UVSSA: variants seen among roughly 807,000 people sequenced by gnomAD.
UVSSA encodes UV stimulated scaffold protein A.
In UVSSA, 72 loss-of-function variants were observed where a neutral mutation model predicts 73.9. The ratio of observed to expected loss-of-function variants is 0.97; its 90% CI spans 0.81 to 1.19. UVSSA has a LOEUF of 1.19. Ranked by LOEUF, UVSSA falls within the 50% of genes most tolerant of loss-of-function variation. UVSSA has a pLI of 0.00. For missense variants in UVSSA, 1,150 were observed against 965.0 expected (o/e 1.19, Z -2.54); for synonymous variants, 454 against 391.3 (o/e 1.16, Z -1.89).
rs768777374 is a variant in UVSSA at position 1,366,467 on chromosome 4, G to C, written c.1288+36G>C. 8 of 1,528,446 alleles carry C rather than the reference G, an allele frequency of 5.2e-6. No individual in the cohort carries two copies. The South Asian group carries it at 8.4e-5, about 16-fold the overall frequency. 94.7% of individuals were successfully genotyped at this position (1,528,446 alleles called of 1,614,324 possible). ...GGTCCCGTGGGGGGGGCACCTGGGTGGAGGGTCCCCCACTCAGGATGTGGC... is the reference window on the plus strand; with the variant it reads ...GGTCCCGTGGGGGGGGCACCTGGGTCGAGGGTCCCCCACTCAGGATGTGGC... On this transcript the variant is annotated intron_variant, in intron 8 of 13. Transcript: ENST00000389851.
exon 14 of UVSSA, chr4:1,394,327 C>T (rs6599309): frequency 1.8e-6 from 2 of 1,085,738 alleles, no homozygotes; most frequent in Non-Finnish European, 2.6e-6. Context: ...TTGTGTTCTA[C>T]TTAGAATGCT....
chr4:1,370,636 G>A (rs887911617), intron 8 of UVSSA, among the ~76,000 whole-genome samples: 3 of 152,250 alleles, frequency 2.0e-5, no homozygotes, highest in Admixed American at 6.5e-5. Context: ...TTGTCTCCAC[G>A]TGTAGATGGT....
In UVSSA at chr4:1,353,332, G is replaced by C. The variant is rs771449409; in HGVS notation, c.853G>C (p.Glu285Gln). ...TATGDPSDED[E>Q]DSDLEEFVRS... ...CACAGGTGACCCCTCAGATGAGGAC[G>C]AGGACAGCGACCTCGAGGAGTTTGT... The change falls in exon 5 of 14, where the codon GAG becomes CAG. Residue 285 changes from glutamate to glutamine, a missense_variant. Transcript: ENST00000389851. 5.6e-6 allele frequency: 9 copies of C among 1,611,450 alleles called. No individual in the cohort carries two copies. The highest frequency in any genetic ancestry group is 7.6e-6 in the Non-Finnish European group (9 of 1,179,650).
intron 7 of UVSSA, among the ~76,000 whole-genome samples, chr4:1,361,764 G>A (rs1716672742): frequency 1.3e-5 from 2 of 152,100 alleles, no homozygotes; most frequent in South Asian, 4.1e-4. Flanking sequence ...TGGTTTATAA[G>A]ATAGAATGGG....
rs747485210 is a variant in UVSSA, at chr4:1,383,745, G to C, written c.1862-21G>C. ...TGGTCAGTGCCAGACGTCTCCTGAAGTGCTTGAGTTTTGTTTGCAGAATGG... is the reference window on the plus strand; with the variant it reads ...TGGTCAGTGCCAGACGTCTCCTGAACTGCTTGAGTTTTGTTTGCAGAATGG... On this transcript the variant is annotated intron_variant, in intron 12 of 13. Coordinates refer to ENST00000389851, the MANE Select transcript of UVSSA (RefSeq NM_020894.4). 5.0e-6 allele frequency: 8 copies of C among 1,612,432 alleles called. No homozygotes were observed. The African/African-American group carries it at 1.1e-4, about 22-fold the overall frequency.
chr4:1,346,496 A>C (rs1366547745), upstream of UVSSA, among the ~76,000 whole-genome samples: 2 of 152,142 alleles, frequency 1.3e-5, no homozygotes, highest in Non-Finnish European at 2.9e-5. Flanking sequence ...GGCAGGACGG[A>C]CGGCGCCTCT....
At chr4:1,342,953 C>T (rs1713479526), upstream of UVSSA, among the ~76,000 whole-genome samples, 1 of 152,092 alleles carries the variant, frequency 6.6e-6, no homozygotes. Context: ...TCAGAATGGT[C>T]TTGGTGGTCC....
At chr4:1,375,956 TG>T (rs1250604741) in intron 9 of UVSSA, 77 bp from the exon 10 acceptor site, 3 of 1,536,274 alleles carry the variant, frequency 2.0e-6, no homozygotes, top group Non-Finnish European at 2.6e-6. Flanking sequence ...AGCCTTGCTG[TG>T]GGGGTGGGGA....
intron 13 of UVSSA, 178 bp downstream of exon 13, chr4:1,384,118 C>T: frequency 1.3e-6 from 1 of 749,438 alleles, no homozygotes; most frequent in South Asian, 1.9e-5. Context: ...TGCCAGCCAG[C>T]AGGGGCAGCA....
chr4:1,385,668 T>C, intron 13 of UVSSA, 200 bp from the exon 14 acceptor site: 4 of 606,908 alleles, frequency 6.6e-6, no homozygotes, highest in Non-Finnish European at 1.2e-5. Context: ...GGCGGCCCTT[T>C]CTAAGCCTGT....
In UVSSA at chr4:1,380,919, G is replaced by A; in HGVS notation, c.1792G>A (p.Gly598Arg). ...GAAGATTGTTCCACGGGACGACGAA[G>A]GACGGCCGCTCGACCCGGAAGACAG... ...HGKIVPRDDE[G>R]RPLDPEDRAR... The change falls in exon 12 of 14, where the codon GGA becomes AGA. Residue 598 changes from glycine to arginine, a missense_variant. Transcript: ENST00000389851. 1 of 1,613,094 alleles carries A rather than the reference G, an allele frequency of 6.2e-7. No homozygotes were observed. The highest frequency in any genetic ancestry group is 8.5e-7 in the Non-Finnish European group (1 of 1,179,974).
At chr4:1,377,736 G>A (rs976380883) in intron 10 of UVSSA, among the ~76,000 whole-genome samples, 4 of 152,158 alleles carry the variant, frequency 2.6e-5, no homozygotes, top group African/African-American at 9.7e-5. Flanking sequence ...TGGCACCGGG[G>A]CCCTGCTGGG....
At chr4:1,351,534 C>T (rs915322283) in intron 3 of UVSSA, among the ~76,000 whole-genome samples, 181 bp from the exon 4 acceptor site, 7 of 151,468 alleles carry the variant, frequency 4.6e-5, no homozygotes, top group African/African-American at 1.2e-4. Context: ...TACAGGCGCC[C>T]GCCACCTCGC....
rs952836546 is a variant in UVSSA at position 1,358,920 on chromosome 4, C to A, written c.1176+3675C>A. ...ACATGTAGGAGATGGGAACATGGAA[C>A]GCTGCTAGCTGCAGGCAGGAGGCAG... On this transcript the variant is annotated intron_variant, in intron 7 of 13. Transcript: ENST00000389851. Among the ~76,000 whole-genome samples the A allele has an allele frequency of 6.6e-5, 10 of 152,322 alleles. No homozygotes were observed. The South Asian group carries it at 1.2e-3, about 19-fold the overall frequency.
At chr4:1,370,737 C>G (rs931202210) in intron 8 of UVSSA, among the ~76,000 whole-genome samples, 1 of 152,246 alleles carries the variant, frequency 6.6e-6, no homozygotes, top group Admixed American at 6.5e-5. Context: ...AGCCCTGCAG[C>G]TACTGAGCAC....
chr4:1,376,714 C>T lies in UVSSA; in HGVS notation c.1568+546C>T, dbSNP rs547053973. ...CACGGGGGTCATCTGTGCGAAAGTCCGGACCGTTGGGCCTCAAGAGGCCAC... is the reference window on the plus strand; with the variant it reads ...CACGGGGGTCATCTGTGCGAAAGTCTGGACCGTTGGGCCTCAAGAGGCCAC... On this transcript the variant is annotated intron_variant, in intron 10 of 13. Transcript: ENST00000389851. Among the ~76,000 whole-genome samples, 5 of 152,328 alleles carry T rather than the reference C, an allele frequency of 3.3e-5. No individual in the cohort carries two copies. In the South Asian group the frequency reaches 6.2e-4, roughly 19 times the overall value.
chr4:1,350,256 T>C (rs974675152), intron 3 of UVSSA, among the ~76,000 whole-genome samples: 2 of 152,174 alleles, frequency 1.3e-5, no homozygotes, highest in African/African-American at 2.4e-5. Context: ...CACCCTACTA[T>C]GGGCTCGGGC....
At chr4:1,379,982 C>T in intron 10 of UVSSA, 65 bp from the exon 11 acceptor site, 1 of 1,516,466 alleles carries the variant, frequency 6.6e-7, no homozygotes, top group Non-Finnish European at 8.9e-7. Context: ...TGTGCCTGCA[C>T]CACCGTGGCC....
chr4:1,394,969 T>C (rs138170890), exon 14 of UVSSA: 44,032 of 658,620 alleles, frequency 0.067, 4,977 homozygotes, highest in African/African-American at 0.19. Flanking sequence ...CACGTGCCCA[T>C]GCGGAGTGCC....
Sources: allele counts gnomAD v4.1 joint callset (sites outside exome capture counted in the v4.1 genomes callset), GRCh38; gene constraint gnomAD v4.1.1; transcripts MANE v1.5; gene names NCBI Gene and HGNC (gene_info 2026-07-23, HGNC 2026-07-21).